Variants in RAPGEF4 observed in about 807,000 individuals in gnomAD.
RAPGEF4 encodes Rap guanine nucleotide exchange factor 4, also known as RAP guanine-nucleotide-exchange factor (GEF) 4.
In RAPGEF4, 66 loss-of-function variants were observed where a neutral mutation model predicts 147.9. The observed-to-expected ratio is 0.45, with a 90% CI of 0.37 to 0.55. RAPGEF4 has a LOEUF of 0.55. Ranked by LOEUF, RAPGEF4 falls within the 20% of genes least tolerant of loss-of-function variation. The pLI, the probability that RAPGEF4 is intolerant of heterozygous loss-of-function variation, is 0.00. For missense variants in RAPGEF4, 1,071 were observed against 1,257.3 expected (o/e 0.85, Z 2.24); for synonymous variants, 419 against 442.7 (o/e 0.95, Z 0.67).
chr2:172,858,947 A>T (rs1485140400), intron 4 of RAPGEF4, among the ~76,000 whole-genome samples: 6 of 152,064 alleles, frequency 3.9e-5, no homozygotes, highest in Non-Finnish European at 8.8e-5. Flanking sequence ...AGCATTTCTG[A>T]TGAGACATTT....
At chr2:173,018,978 G>A (rs962092888) in intron 22 of RAPGEF4, among the ~76,000 whole-genome samples, 176 bp downstream of exon 22, 1 of 152,192 alleles carries the variant, frequency 6.6e-6, no homozygotes, top group South Asian at 2.1e-4. Context: ...GGTTTCTAAT[G>A]TCCCCTATCT....
chr2:172,886,927 C>T (rs1337914931), intron 4 of RAPGEF4, among the ~76,000 whole-genome samples: 1 of 152,144 alleles, frequency 6.6e-6, no homozygotes, highest in Non-Finnish European at 1.5e-5. Context: ...GTGGCTCTTG[C>T]CTGTAATCCC....
At chr2:172,748,347 G>A (rs1207171105) in intron 1 of RAPGEF4, among the ~76,000 whole-genome samples, 1 of 152,150 alleles carries the variant, frequency 6.6e-6, no homozygotes, top group Non-Finnish European at 1.5e-5. Flanking sequence ...AAGAAAAAGA[G>A]GTTTAATGGA....
chr2:172,999,920 T>G (rs1479745470), intron 16 of RAPGEF4, among the ~76,000 whole-genome samples: 3 of 152,206 alleles, frequency 2.0e-5, no homozygotes, highest in African/African-American at 7.2e-5. Flanking sequence ...CCATGTTAAC[T>G]GACTCCCTCC....
At chr2:172,988,633 G>T in intron 13 of RAPGEF4, 60 bp from the exon 14 acceptor site, 1 of 1,522,596 alleles carries the variant, frequency 6.6e-7, no homozygotes, top group African/African-American at 1.4e-5. Flanking sequence ...GTGGCAGGAG[G>T]TGGTGGGTGT....
At chr2:172,792,374 A>G (rs911316078) in intron 1 of RAPGEF4, among the ~76,000 whole-genome samples, 4 of 152,226 alleles carry the variant, frequency 2.6e-5, no homozygotes, top group Admixed American at 2.6e-4. Flanking sequence ...CTGAAGGGGT[A>G]ATAGGAGGAA....
At chr2:172,933,206 CAT>C (rs1431171538) in intron 6 of RAPGEF4, among the ~76,000 whole-genome samples, 1 of 152,030 alleles carries the variant, frequency 6.6e-6, no homozygotes, top group Admixed American at 6.6e-5. Context: ...CTAGGAAACT[CAT>C]GTGTACTTCA....
chr2:172,845,551 A>G (rs1392844300), intron 4 of RAPGEF4, among the ~76,000 whole-genome samples: 1 of 152,192 alleles, frequency 6.6e-6, no homozygotes, highest in Non-Finnish European at 1.5e-5. Flanking sequence ...ACATCCTGAC[A>G]TGATGTAGCT....
chr2:172,988,684 T>G lies in RAPGEF4; in HGVS notation c.1228-9T>G, dbSNP rs754895692. 1 of 1,610,324 alleles carries G rather than the reference T, an allele frequency of 6.2e-7. No homozygotes were observed. The highest frequency in any genetic ancestry group is 1.1e-5 in the South Asian group (1 of 90,954). On this transcript the variant is annotated splice_polypyrimidine_tract_variant and intron_variant, in intron 13 of 30. Transcript: ENST00000397081. ...GATCTTCTTCATCTGTGTGCTCTAC[T>G]CTATCCAGGGTGTGGTCTGCACCCT...
rs759528090 is a variant in RAPGEF4 at position 172,922,293 on chromosome 2, A to G, written c.530A>G (p.Lys177Arg). 1.2e-6 allele frequency: 2 copies of G among 1,607,302 alleles called. No individual in the cohort carries two copies. Among genetic ancestry groups the G allele is most frequent in the Non-Finnish European group, 1.7e-6 (2 of 1,173,848 alleles). ...TGSNNDRIPD[K>R]ENTPLIEPHV... ...TTTCCTCCTTTAGGGATTCCTGACAAGGAGAACGTGAGTAGCTACTCTCTC... is the reference window on the plus strand; with the variant it reads ...TTTCCTCCTTTAGGGATTCCTGACAGGGAGAACGTGAGTAGCTACTCTCTC... The change falls in exon 6 of 31, where the codon AAG becomes AGG. Residue 177 changes from lysine to arginine, a missense_variant. Lys to Arg is a conservative substitution (Grantham distance 26). Transcript: ENST00000397081.
intron 22 of RAPGEF4, 83 bp from the exon 23 acceptor site, chr2:173,020,535 T>C: frequency 1.9e-6 from 2 of 1,074,408 alleles, no homozygotes; most frequent in East Asian, 4.8e-5. Flanking sequence ...TTCACCAAGC[T>C]GGCAATTTGT....
At chr2:172,753,411 T>A (rs10209464) in intron 1 of RAPGEF4, among the ~76,000 whole-genome samples, 2,284 of 151,596 alleles carry the variant, frequency 0.015, 57 homozygotes, top group African/African-American at 0.049. Flanking sequence ...TTTTTTTTTT[T>A]AATTTACCTA....
Position 172,858,321 on chromosome 2 carries a change from T to A in RAPGEF4, c.444+43896T>A, listed in dbSNP as rs184210969. 3.0e-3 allele frequency among the ~76,000 whole-genome samples: 463 copies of A among 152,360 alleles called. 2 individuals carry two copies. Among genetic ancestry groups the A allele is most frequent in the African/African-American group, 0.011 (439 of 41,582 alleles). On this transcript the variant is annotated intron_variant, in intron 4 of 30. Transcript: ENST00000397081. ...TTTTCAAAGTCTGGCTTGCTCTTTT[T>A]GATTTTGTCATAGTTCATAAGCTGA... is the stretch of plus-strand genomic sequence containing the variant.
chr2:172,808,325 T>C (rs988696632), intron 3 of RAPGEF4, among the ~76,000 whole-genome samples: 1 of 152,210 alleles, frequency 6.6e-6, no homozygotes, highest in Non-Finnish European at 1.5e-5. Flanking sequence ...AAGGATTCTT[T>C]GATTTACAGC....
intron 10 of RAPGEF4, among the ~76,000 whole-genome samples, chr2:172,969,658 G>T (rs938143634): frequency 9.2e-5 from 14 of 152,270 alleles, no homozygotes; most frequent in African/African-American, 3.4e-4. Flanking sequence ...CCCTTGGGGA[G>T]TTTATAATTC....
intron 11 of RAPGEF4, among the ~76,000 whole-genome samples, chr2:172,984,357 C>A (rs1322564342): frequency 6.6e-6 from 1 of 152,164 alleles, no homozygotes; most frequent in East Asian, 1.9e-4. Flanking sequence ...TGCTACCTCA[C>A]AGTAGCAGTA....
chr2:173,001,359 T>C lies in RAPGEF4; in HGVS notation c.1658+15T>C. 6.2e-7 allele frequency: 1 copy of C among 1,613,732 alleles called. No homozygotes were observed. Among genetic ancestry groups the C allele is most frequent in the Admixed American group, 1.7e-5 (1 of 60,004 alleles). ...CTGGTGGCCCAATATCCTTTTATTG[T>C]GATTGTAAGTCCCTATTCCCTCGAA... On this transcript the variant is annotated intron_variant, in intron 17 of 30. Coordinates refer to ENST00000397081, the MANE Select transcript of RAPGEF4 (RefSeq NM_007023.4).
intron 25 of RAPGEF4, among the ~76,000 whole-genome samples, chr2:173,029,302 A>G (rs564114763): frequency 1.3e-5 from 2 of 152,376 alleles, no homozygotes; most frequent in African/African-American, 2.4e-5. Flanking sequence ...TCATTATGAT[A>G]TGGTCAATTT....
At chr2:172,981,096 G>A (rs960435108) in intron 10 of RAPGEF4, among the ~76,000 whole-genome samples, 1 of 152,164 alleles carries the variant, frequency 6.6e-6, no homozygotes, top group Non-Finnish European at 1.5e-5. Flanking sequence ...GGAATTCTAA[G>A]CCTTTCTTTT....
Sources: allele counts gnomAD v4.1 joint callset (sites outside exome capture counted in the v4.1 genomes callset), GRCh38; gene constraint gnomAD v4.1.1; transcripts MANE v1.5; gene names NCBI Gene and HGNC (gene_info 2026-07-23, HGNC 2026-07-21).